UBR3: variants seen among roughly 807,000 people sequenced by gnomAD.
UBR3 encodes the protein ubiquitin protein ligase E3 component n-recognin 3.
In UBR3, 85 loss-of-function variants were observed where a neutral mutation model predicts 243.2. That is an observed-to-expected ratio of 0.35 (90% CI 0.29 to 0.42). UBR3 has a LOEUF of 0.42. Ranked by LOEUF, UBR3 falls within the 10% of genes least tolerant of loss-of-function variation. UBR3 has a pLI of 1.00. For missense variants in UBR3, 1,686 were observed against 2,300.8 expected (o/e 0.73, Z 5.47); for synonymous variants, 748 against 799.8 (o/e 0.94, Z 1.09).
chr2:169,950,025 G>T lies in UBR3; in HGVS notation c.3505G>T (p.Val1169Phe), dbSNP rs762193037. Residue 1169 changes from valine (V) to phenylalanine (F), a missense_variant, in exon 23 of 39, where the codon GTC becomes TTC. Around this residue, in one of 8 missense-constraint regions of UBR3, gnomAD observed 300 missense variants for 314.4 expected, o/e 0.95. Transcript: ENST00000272793. ...GACCCCTCCTGTACCACCTAAAAAA[G>T]TCACTGCAGCAGAGAAGAAAACATT... ...KVTPPVPPKKVTAAEKKTLDK... is the reference protein window; with the variant it reads ...KVTPPVPPKKFTAAEKKTLDK... 4.4e-6 allele frequency: 7 copies of T among 1,587,780 alleles called. 1 individual carries two copies. The South Asian group carries it at 8.1e-5, about 18-fold the overall frequency.
chr2:170,036,498 TG>T (rs1161798096), intron 31 of UBR3, among the ~76,000 whole-genome samples: 1 of 151,920 alleles, frequency 6.6e-6, no homozygotes, highest in Non-Finnish European at 1.5e-5. Flanking sequence ...TGATTATTAT[TG>T]GGGAAAAAAC....
chr2:169,906,413 T>C (rs2085010844), intron 10 of UBR3, among the ~76,000 whole-genome samples: 1 of 136,030 alleles, frequency 7.4e-6, no homozygotes, highest in Non-Finnish European at 1.6e-5. Context: ...TTCATCTTTA[T>C]TGTTTCATTT....
intron 24 of UBR3, among the ~76,000 whole-genome samples, chr2:169,963,888 CA>C (rs1247069251): frequency 2.0e-5 from 3 of 152,112 alleles, no homozygotes; most frequent in African/African-American, 7.2e-5. Flanking sequence ...ACCTTGTTAA[CA>C]TTGTTCTGTA....
At chr2:169,976,731 G>A (rs1393587513) in intron 24 of UBR3, among the ~76,000 whole-genome samples, 1 of 152,074 alleles carries the variant, frequency 6.6e-6, no homozygotes, top group Non-Finnish European at 1.5e-5. Context: ...TGTTTGCCTT[G>A]GGGAGGACCT....
In UBR3 at chr2:170,083,561, A is replaced by G. The variant is rs569431816; in HGVS notation, c.*1718A>G. The G allele has an allele frequency of 2.0e-5, 3 of 152,744 alleles. No homozygotes were observed. In the East Asian group the frequency reaches 5.8e-4, roughly 29 times the overall value. The allele number at this position is 152,744 out of a possible 1,614,324, so 9.5% of individuals were successfully genotyped here. On this transcript the variant is annotated 3_prime_UTR_variant, in exon 39 of 39. Coordinates refer to ENST00000272793, the MANE Select transcript of UBR3 (RefSeq NM_172070.4). ...AGTGTGGTTGAAGAGCAAAATGCTA[A>G]TTGACATCTCTAGTAAATACTGTTA...
chr2:170,053,829 TA>T (rs761569342), intron 32 of UBR3, among the ~76,000 whole-genome samples: 2 of 152,166 alleles, frequency 1.3e-5, no homozygotes, highest in Non-Finnish European at 2.9e-5. Context: ...GGGAGGAGTA[TA>T]ATATAATAGA....
chr2:169,995,116 A>G (rs988472221), intron 26 of UBR3, among the ~76,000 whole-genome samples: 1 of 152,164 alleles, frequency 6.6e-6, no homozygotes, highest in Non-Finnish European at 1.5e-5. Flanking sequence ...TATAAAGTAT[A>G]TGATAAAGTA....
chr2:169,856,697 CG>C (rs2082880175), intron 1 of UBR3, among the ~76,000 whole-genome samples: 1 of 152,060 alleles, frequency 6.6e-6, no homozygotes, highest in African/African-American at 2.4e-5. Context: ...TCAGGCATGG[CG>C]GCGCGCGCCT....
intron 23 of UBR3, among the ~76,000 whole-genome samples, chr2:169,952,476 C>CACA (rs2105363346): frequency 6.6e-6 from 1 of 152,018 alleles, no homozygotes; most frequent in Non-Finnish European, 1.5e-5. Context: ...GTGAGTGGAT[C>CACA]ACAAGGTCAG....
At chr2:169,943,687 G>C (rs2086677917) in intron 20 of UBR3, among the ~76,000 whole-genome samples, 1 of 151,844 alleles carries the variant, frequency 6.6e-6, no homozygotes, top group Non-Finnish European at 1.5e-5. Flanking sequence ...ATGTTATGCA[G>C]GTAGATACAA....
At chr2:170,028,128 G>A (rs1038647663) in intron 30 of UBR3, among the ~76,000 whole-genome samples, 31 of 151,956 alleles carry the variant, frequency 2.0e-4, no homozygotes, top group African/African-American at 5.8e-4. Flanking sequence ...TCCTCTGTTC[G>A]TTATAGAGAG....
intron 31 of UBR3, among the ~76,000 whole-genome samples, chr2:170,035,784 A>G (rs1038570882): frequency 2.6e-5 from 4 of 151,706 alleles, no homozygotes; most frequent in Non-Finnish European, 4.4e-5. Context: ...GAGTCTTCCT[A>G]CTCATGAACA....
chr2:169,842,469 A>G (rs551476846), intron 1 of UBR3, among the ~76,000 whole-genome samples: 1 of 151,780 alleles, frequency 6.6e-6, no homozygotes, highest in Non-Finnish European at 1.5e-5. Context: ...CCCCTTCCAC[A>G]CTGTGGAAGC....
Position 170,029,366 on chromosome 2 carries a change from G to A in UBR3, c.4474G>A (p.Ala1492Thr), listed in dbSNP as rs755260786. Reference sequence around the variant, plus strand: ...TTCAGATCAGCTGTTTCATGTATTAGCCTTGCACATGCGGCTTTATAGCAT... The same window carrying A: ...TTCAGATCAGCTGTTTCATGTATTAACCTTGCACATGCGGCTTTATAGCAT... Reference protein sequence around the residue: ...SCLNQLFHVLALHMRLYSIDS... With the variant: ...SCLNQLFHVLTLHMRLYSIDS... Residue 1492 changes from alanine to threonine, a missense_variant, in exon 31 of 39, where the codon GCC (alanine) becomes ACC (threonine). Around this residue, in one of 8 missense-constraint regions of UBR3, gnomAD observed 371 missense variants for 422.5 expected, o/e 0.88. Coordinates refer to ENST00000272793, the MANE Select transcript of UBR3 (RefSeq NM_172070.4). 22 of 1,610,002 alleles carry A rather than the reference G, an allele frequency of 1.4e-5. No individual in the cohort carries two copies. The highest frequency in any genetic ancestry group is 1.4e-5 in the Non-Finnish European group (16 of 1,178,104).
intron 1 of UBR3, among the ~76,000 whole-genome samples, chr2:169,865,186 GA>G (rs1357378917): frequency 1.3e-5 from 2 of 150,224 alleles, no homozygotes; most frequent in African/African-American, 2.5e-5. Flanking sequence ...TTTTAAAAAA[GA>G]TTTTTTTAAG....
intron 32 of UBR3, among the ~76,000 whole-genome samples, chr2:170,050,597 G>A (rs2091194635): frequency 6.6e-6 from 1 of 151,982 alleles, no homozygotes; most frequent in Admixed American, 6.6e-5. Flanking sequence ...TTTTTTTGTT[G>A]TTATTGTAGT....
intron 29 of UBR3, among the ~76,000 whole-genome samples, chr2:170,012,330 A>G (rs13411766): frequency 0.068 from 10,337 of 152,200 alleles, 368 homozygotes; most frequent in Non-Finnish European, 0.086. Flanking sequence ...GTTACATATC[A>G]AAAGAAAGAT....
At chr2:170,045,531 C>A (rs1276854673) in intron 32 of UBR3, among the ~76,000 whole-genome samples, 2 of 152,146 alleles carry the variant, frequency 1.3e-5, no homozygotes, top group African/African-American at 4.8e-5. Flanking sequence ...TATAGAATAT[C>A]CCTGCTTCCA....
At chr2:170,012,173 T>C (rs1005969333) in intron 29 of UBR3, among the ~76,000 whole-genome samples, 3 of 152,060 alleles carry the variant, frequency 2.0e-5, no homozygotes, top group Non-Finnish European at 4.4e-5. Context: ...AATACCAAAT[T>C]ATGAATCTTT....
Sources: gnomAD v4.1 joint callset for allele counts (sites outside exome capture counted in the v4.1 genomes callset) on GRCh38, gnomAD v4.1.1 for gene constraint, gnomAD v4.1.1 regional missense constraint, MANE v1.5 for transcripts, NCBI Gene and HGNC (gene_info 2026-07-23, HGNC 2026-07-21) for gene names.